The following SLC16A12 variants were observed in gnomAD, a reference collection of about 807,000 sequenced individuals.
SLC16A12 encodes the protein monocarboxylate transporter 12.
In SLC16A12, 17 loss-of-function variants were observed where a neutral mutation model predicts 42.4. That is an observed-to-expected ratio of 0.40 (90% CI 0.27 to 0.60). The LOEUF is 0.60. Among genes scored for constraint, SLC16A12 ranks in the 20% least tolerant of loss-of-function variants. The probability of loss-of-function intolerance (pLI) is 0.42; values close to 1 mark genes in which losing one functional copy is unlikely to be tolerated. For missense variants in SLC16A12, 544 were observed against 623.0 expected (o/e 0.87, Z 1.35); for synonymous variants, 224 against 229.4 (o/e 0.98, Z 0.21).
upstream of SLC16A12, among the ~76,000 whole-genome samples, chr10:89,535,909 T>C (rs1348958878): frequency 6.6e-6 from 1 of 152,204 alleles, no homozygotes; most frequent in Non-Finnish European, 1.5e-5. Flanking sequence ...ATCCCAGTGC[T>C]CGGCCTTCGA....
At chr10:89,449,436 G>C (rs973776650) in intron 3 of SLC16A12, among the ~76,000 whole-genome samples, 2 of 152,066 alleles carry the variant, frequency 1.3e-5, no homozygotes, top group Non-Finnish European at 2.9e-5. Context: ...CAGAACAGAG[G>C]CCTCAGAAAT....
In SLC16A12 at chr10:89,479,250, T is replaced by G. The variant is rs547754746; in HGVS notation, c.-46-16626A>C. ...CCTCACTTTTCGCTGTAAGAGGGGT[T>G]GCTTATCTGTTTCCTTGGGAGAAAT... On this transcript the variant is annotated intron_variant, in intron 2 of 7. Coordinates refer to ENST00000371790, the MANE Select transcript of SLC16A12 (RefSeq NM_213606.4). Among the ~76,000 whole-genome samples the G allele has an allele frequency of 4.6e-5, 7 of 152,332 alleles. No individual in the cohort carries two copies. The South Asian group carries it at 1.4e-3, about 32-fold the overall frequency.
intron 6 of SLC16A12, among the ~76,000 whole-genome samples, chr10:89,437,509 C>T (rs1841822253): frequency 6.6e-6 from 1 of 151,828 alleles, no homozygotes; most frequent in Non-Finnish European, 1.5e-5. Context: ...AGGAGCAAAG[C>T]CAGTGCAAGA....
At chr10:89,459,976 T>A (rs936812057) in intron 3 of SLC16A12, among the ~76,000 whole-genome samples, 11 of 152,182 alleles carry the variant, frequency 7.2e-5, no homozygotes, top group African/African-American at 2.4e-4. Context: ...CAAGTCAATC[T>A]TTCTGAGCAT....
Position 89,462,448 on chromosome 10 carries a change from T to A in SLC16A12, c.131A>T (p.Asp44Val). ...VNRARSTSPP[D>V]GGWGWMIVAG... The stretch of plus-strand genomic sequence containing the variant: ...CACAATCATCCAGCCCCAGCCTCCA[T>A]CTGGAGGGGAGGTAGACCGAGCTCT... Residue 44 changes from aspartate (D) to valine (V), a missense_variant, in exon 3 of 8, where the codon GAT becomes GTT. Asp to Val is a radical substitution (Grantham distance 152, BLOSUM62 -3). Coordinates refer to ENST00000371790, the MANE Select transcript of SLC16A12 (RefSeq NM_213606.4). 6.2e-7 allele frequency: 1 copy of A among 1,614,058 alleles called. No individual in the cohort carries two copies. The highest frequency in any genetic ancestry group is 8.5e-7 in the Non-Finnish European group (1 of 1,179,962).
chr10:89,455,887 A>C (rs904824479), intron 3 of SLC16A12, among the ~76,000 whole-genome samples: 4 of 152,220 alleles, frequency 2.6e-5, no homozygotes, highest in Non-Finnish European at 5.9e-5. Flanking sequence ...CTGCAGTAGC[A>C]AACAACTCCT....
chr10:89,470,186 T>TAGG (rs1219123756), intron 2 of SLC16A12, among the ~76,000 whole-genome samples: 3 of 152,160 alleles, frequency 2.0e-5, no homozygotes, highest in Admixed American at 6.5e-5. Context: ...GATTGTGTTA[T>TAGG]AGGGGACATT....
chr10:89,489,189 C>T (rs557669149), intron 2 of SLC16A12, among the ~76,000 whole-genome samples: 3 of 152,222 alleles, frequency 2.0e-5, no homozygotes, highest in South Asian at 2.1e-4. Flanking sequence ...AACGTTACTG[C>T]CCAATTTGGT....
intron 3 of SLC16A12, among the ~76,000 whole-genome samples, chr10:89,449,047 T>A (rs1021794323): frequency 6.6e-6 from 1 of 152,004 alleles, no homozygotes; most frequent in Non-Finnish European, 1.5e-5. Flanking sequence ...ATCCAACTTA[T>A]AAGGGATGTG....
chr10:89,459,083 A>G (rs1188999856), intron 3 of SLC16A12, among the ~76,000 whole-genome samples: 1 of 152,230 alleles, frequency 6.6e-6, no homozygotes, highest in East Asian at 1.9e-4. Context: ...AATTTTTCCT[A>G]TGGAAGAATT....
chr10:89,495,004 T>G (rs978673312), intron 2 of SLC16A12, among the ~76,000 whole-genome samples: 2 of 152,100 alleles, frequency 1.3e-5, no homozygotes, highest in African/African-American at 4.8e-5. Context: ...AATATCATAC[T>G]GAATGGTGAA....
intron 3 of SLC16A12, among the ~76,000 whole-genome samples, chr10:89,451,085 TATAG>T (rs1349925180): frequency 1.3e-5 from 2 of 152,256 alleles, no homozygotes; most frequent in Non-Finnish European, 2.9e-5. Context: ...AGGAAGCTTT[TATAG>T]CCCGGTGATA....
At chr10:89,502,651 A>G (rs1403948128) in intron 2 of SLC16A12, among the ~76,000 whole-genome samples, 1 of 152,212 alleles carries the variant, frequency 6.6e-6, no homozygotes, top group Non-Finnish European at 1.5e-5. Context: ...TGAGGACTAT[A>G]GAAGCAAATA....
At chr10:89,453,633 C>T (rs762799868) in intron 3 of SLC16A12, among the ~76,000 whole-genome samples, 34 of 152,182 alleles carry the variant, frequency 2.2e-4, no homozygotes, top group Admixed American at 4.6e-4. Context: ...GTGTGCAGTA[C>T]GCGCTACTTT....
In SLC16A12 at chr10:89,491,277, C is replaced by G. The variant is rs943619786; in HGVS notation, c.-46-28653G>C. Among the ~76,000 whole-genome samples, 4 of 152,094 alleles carry G rather than the reference C, an allele frequency of 2.6e-5. No homozygotes were observed. In the South Asian group the frequency reaches 6.2e-4, roughly 24 times the overall value. ...GTAAAGGTCCATAACCACAAGAGAA[C>G]CAGGAGCTGAGTTGCAACCAGGCAA... On this transcript the variant is annotated intron_variant, in intron 2 of 7. Coordinates refer to ENST00000371790, the MANE Select transcript of SLC16A12 (RefSeq NM_213606.4).
Position 89,433,076 on chromosome 10 carries a change from G to C in SLC16A12, c.1539C>G (p.Tyr513Ter). 1 of 1,614,154 alleles carries C rather than the reference G, an allele frequency of 6.2e-7. No individual in the cohort carries two copies. Among genetic ancestry groups the C allele is most frequent in the African/African-American group, 1.3e-5 (1 of 75,042 alleles). Residue 513 changes from tyrosine to a stop codon, truncating the protein, a stop_gained, in exon 8 of 8, where the codon TAC becomes TAG. Transcript: ENST00000371790. LOFTEE classifies it high-confidence loss of function. ...TCAAGGCCTTTGGTCATGTGAGGCT[G>C]TAGCCAGGCACTGCTGTAGCCACAG... ...GEPVATAVPG[Y>*]SLT
At chr10:89,481,591 T>C (rs545904277) in intron 2 of SLC16A12, among the ~76,000 whole-genome samples, 2 of 152,086 alleles carry the variant, frequency 1.3e-5, no homozygotes, top group South Asian at 2.1e-4. Flanking sequence ...ATAAACTGTA[T>C]GACTATTTTT....
intron 2 of SLC16A12, among the ~76,000 whole-genome samples, chr10:89,550,200 A>G (rs1843762359): frequency 6.6e-6 from 1 of 152,026 alleles, no homozygotes; most frequent in Non-Finnish European, 1.5e-5. Flanking sequence ...CTTCCCATCT[A>G]TTCTCCATAA....
At chr10:89,495,413 C>T (rs182866019) in intron 2 of SLC16A12, among the ~76,000 whole-genome samples, 6 of 152,080 alleles carry the variant, frequency 3.9e-5, no homozygotes, top group South Asian at 2.1e-4. Flanking sequence ...CTAGCTACCA[C>T]GCAAAACACT....
Sources: allele counts gnomAD v4.1 joint callset (sites outside exome capture counted in the v4.1 genomes callset), GRCh38; gene constraint gnomAD v4.1.1; transcripts MANE v1.5; gene names NCBI Gene and HGNC (gene_info 2026-07-23, HGNC 2026-07-21).